MTURN: variants seen among roughly 807,000 people sequenced by gnomAD.
MTURN encodes maturin.
MTURN carries 7 observed loss-of-function variants against 14.9 expected under a neutral mutation model. The observed-to-expected ratio is 0.47, with a 90% CI of 0.27 to 0.88. The LOEUF (loss-of-function observed/expected upper bound fraction) is 0.88, where lower values mean the gene tolerates loss of function less well. Among genes scored for constraint, MTURN ranks in the 40% least tolerant of loss-of-function variants. The pLI is 0.14. For missense variants in MTURN, 151 were observed against 174.1 expected (o/e 0.87, Z 0.75); for synonymous variants, 69 against 72.5 (o/e 0.95, Z 0.25).
chr7:30,153,936 T>C (rs1324436896), intron 2 of MTURN, among the ~76,000 whole-genome samples: 1 of 152,154 alleles, frequency 6.6e-6, no homozygotes, highest in Non-Finnish European at 1.5e-5. Flanking sequence ...TAGGCTGGTC[T>C]CAAACTCCTG....
chr7:30,156,591 C>T (rs1797291356), intron 2 of MTURN, among the ~76,000 whole-genome samples: 1 of 152,132 alleles, frequency 6.6e-6, no homozygotes, highest in Non-Finnish European at 1.5e-5. Flanking sequence ...CTTTGGGAAG[C>T]TGAGGCAGGC....
rs1797369472 is a variant in MTURN at position 30,161,217 on chromosome 7, G to T, written c.*3669G>T. Reference sequence around the variant, plus strand: ...TGATTTCTTACAGAGAGGCATGAAGGAATAGGCAGGACTTAACTTGGGGTG... The same window carrying T: ...TGATTTCTTACAGAGAGGCATGAAGTAATAGGCAGGACTTAACTTGGGGTG... On this transcript the variant is annotated 3_prime_UTR_variant, in exon 3 of 3. Transcript: ENST00000324453. 6.6e-6 allele frequency: 1 copy of T among 152,536 alleles called. No individual in the cohort carries two copies. The highest frequency in any genetic ancestry group is 1.5e-5 in the Non-Finnish European group (1 of 68,042). 9.4% of individuals were successfully genotyped at this position (152,536 alleles called of 1,614,324 possible). A position where few individuals can be genotyped will look rare whatever the true frequency, so the allele number is the denominator to read the frequency against.
At chr7:30,135,499 G>A (rs1343372974) in intron 1 of MTURN, among the ~76,000 whole-genome samples, 4 of 151,422 alleles carry the variant, frequency 2.6e-5, no homozygotes, top group South Asian at 4.1e-4. Flanking sequence ...GGCCCGGTGG[G>A]CGGCGGGCAA....
At chr7:30,146,457 C>A (rs539960837) in intron 2 of MTURN, among the ~76,000 whole-genome samples, 158 bp downstream of exon 2, 1 of 151,696 alleles carries the variant, frequency 6.6e-6, no homozygotes, top group Non-Finnish European at 1.5e-5. Flanking sequence ...ATAGGGAGGC[C>A]GAGGGCGGGA....
In MTURN at chr7:30,159,967, C is replaced by G. The variant is rs1019355271; in HGVS notation, c.*2419C>G. On this transcript the variant is annotated 3_prime_UTR_variant, in exon 3 of 3. Coordinates refer to ENST00000324453, the MANE Select transcript of MTURN (RefSeq NM_152793.3). ...CTTCACAGACTTACACATTTACTCA[C>G]CAGGAGGTGGCAGCGGTGTGGGAGG... The G allele has an allele frequency of 6.6e-6, 1 of 152,404 alleles. No individual in the cohort carries two copies. 9.4% of individuals were successfully genotyped at this position (152,404 alleles called of 1,614,324 possible). A position where few individuals can be genotyped will look rare whatever the true frequency, so the allele number is the denominator to read the frequency against.
chr7:30,145,405 G>T (rs1797114975), intron 1 of MTURN, among the ~76,000 whole-genome samples: 1 of 151,898 alleles, frequency 6.6e-6, no homozygotes, highest in South Asian at 2.1e-4. Context: ...AAGATGGGAG[G>T]GTCACTTGAA....
rs73689406 is a variant in MTURN at position 30,135,157 on chromosome 7, C to G, written c.21C>G (p.Ala7=). 229,632 of 1,464,362 alleles carry G rather than the reference C, an allele frequency of 0.16. 18,595 individuals carry two copies. Among genetic ancestry groups the G allele is most frequent in the African/African-American group, 0.22 (14,823 of 67,686 alleles). The allele number at this position is 1,464,362 out of a possible 1,614,324, so 90.7% of individuals were successfully genotyped here. The change falls in exon 1 of 3, where the codon GCC becomes GCG. Residue 7 remains alanine, a synonymous_variant. Coordinates refer to ENST00000324453, the MANE Select transcript of MTURN (RefSeq NM_152793.3). MDFQQL[A]DVAEKWCSNT... ...CCGCGATGGATTTCCAGCAGCTGGC[C>G]GACGTTGCGGAGAAATGGTGCTCCA...
At chr7:30,152,387 A>C (rs1797224923) in intron 2 of MTURN, among the ~76,000 whole-genome samples, 1 of 152,096 alleles carries the variant, frequency 6.6e-6, no homozygotes, top group Admixed American at 6.5e-5. Context: ...CATTTCCCAA[A>C]TGCTTTAGAG....
intron 1 of MTURN, among the ~76,000 whole-genome samples, chr7:30,142,422 A>G (rs1382809393): frequency 1.3e-5 from 2 of 152,170 alleles, no homozygotes; most frequent in African/African-American, 2.4e-5. Context: ...CCGGAAAGAT[A>G]TTTAAATGTC....
chr7:30,135,902 T>G (rs1010028489), intron 1 of MTURN, among the ~76,000 whole-genome samples: 2 of 152,258 alleles, frequency 1.3e-5, no homozygotes, highest in African/African-American at 4.8e-5. Context: ...ATGCCCGATC[T>G]CCTGGACCTT....
At chr7:30,149,505 A>G (rs1236046516) in intron 2 of MTURN, among the ~76,000 whole-genome samples, 1 of 152,158 alleles carries the variant, frequency 6.6e-6, no homozygotes, top group Non-Finnish European at 1.5e-5. Context: ...CCCAGTCAGG[A>G]TGCGCCCCAG....
At chr7:30,149,285 G>A (rs1335775975) in intron 2 of MTURN, among the ~76,000 whole-genome samples, 1 of 152,214 alleles carries the variant, frequency 6.6e-6, no homozygotes, top group African/African-American at 2.4e-5. Flanking sequence ...TGGGCTTCCA[G>A]GTTTCCTTTC....
intron 2 of MTURN, among the ~76,000 whole-genome samples, chr7:30,151,109 A>G (rs955001192): frequency 3.9e-5 from 6 of 152,214 alleles, no homozygotes; most frequent in African/African-American, 1.4e-4. Context: ...AGTGACCCAC[A>G]TTCTACTCCA....
intron 1 of MTURN, among the ~76,000 whole-genome samples, chr7:30,144,582 T>C (rs1797101525): frequency 6.6e-6 from 1 of 152,196 alleles, no homozygotes. Context: ...GTTGTCTTTA[T>C]TGGGTTGGGG....
chr7:30,142,141 GT>G (rs1583503924), intron 1 of MTURN, among the ~76,000 whole-genome samples: 1 of 152,188 alleles, frequency 6.6e-6, no homozygotes, highest in East Asian at 1.9e-4. Flanking sequence ...GATCTACATT[GT>G]ACAAAACAGG....
intron 1 of MTURN, chr7:30,145,799 T>A: frequency 6.6e-7 from 1 of 1,507,506 alleles, no homozygotes; most frequent in Non-Finnish European, 8.8e-7. Context: ...AAAGCAAAGT[T>A]AAGGATTTTG....
At chr7:30,137,417 C>T in intron 1 of MTURN, 1 of 337,950 alleles carries the variant, frequency 3.0e-6, no homozygotes, top group Non-Finnish European at 5.9e-6. Flanking sequence ...TGTATCCAAC[C>T]ATCGTTCAGA....
Position 30,160,174 on chromosome 7 carries a change from A to G in MTURN, c.*2626A>G, listed in dbSNP as rs1458144225. The G allele has an allele frequency of 1.3e-5, 2 of 152,442 alleles. No homozygotes were observed. Among genetic ancestry groups the G allele is most frequent in the African/African-American group, 4.8e-5 (2 of 41,456 alleles). The allele number at this position is 152,442 out of a possible 1,614,324, so 9.4% of individuals were successfully genotyped here. A position where few individuals can be genotyped will look rare whatever the true frequency, so the allele number is the denominator to read the frequency against. On this transcript the variant is annotated 3_prime_UTR_variant, in exon 3 of 3. Coordinates refer to ENST00000324453, the MANE Select transcript of MTURN (RefSeq NM_152793.3). Reference sequence around the variant, plus strand: ...TGTGAGTAAGGAGCAACAGTCAAGGAAACTTTTAGGGATTCGAGAAGAAAA... The same window carrying G: ...TGTGAGTAAGGAGCAACAGTCAAGGGAACTTTTAGGGATTCGAGAAGAAAA...
rs376077104 is a variant in MTURN, at chr7:30,137,651, C to T, written c.162+2353C>T. ...GCTCTAATGGACAAGATGCCAACCTCGGGAGTTTTCCTAGCCGGACCTCTT... is the reference window on the plus strand; with the variant it reads ...GCTCTAATGGACAAGATGCCAACCTTGGGAGTTTTCCTAGCCGGACCTCTT... On this transcript the variant is annotated intron_variant, in intron 1 of 2. Transcript: ENST00000324453. 1.6e-4 allele frequency: 74 copies of T among 471,138 alleles called. 1 individual carries two copies. The highest frequency in any genetic ancestry group is 6.3e-4 in the South Asian group (41 of 64,568). The allele number at this position is 471,138 out of a possible 1,614,324, so 29.2% of individuals were successfully genotyped here.
Sources: allele counts gnomAD v4.1 joint callset (sites outside exome capture counted in the v4.1 genomes callset), GRCh38; gene constraint gnomAD v4.1.1; transcripts MANE v1.5; gene names NCBI Gene and HGNC (gene_info 2026-07-23, HGNC 2026-07-21).